The following MTMR12 variants were observed in gnomAD, a reference collection of about 807,000 sequenced individuals.
MTMR12 encodes myotubularin-related protein 12.
A neutral mutation model predicts 96.7 loss-of-function variants in MTMR12; 33 were observed. That is an observed-to-expected ratio of 0.34 (90% CI 0.26 to 0.46). The LOEUF is 0.46. Among genes scored for constraint, MTMR12 ranks in the 20% least tolerant of loss-of-function variants. The probability of loss-of-function intolerance (pLI) is 1.00; values close to 1 mark genes in which losing one functional copy is unlikely to be tolerated. For synonymous variants in MTMR12, 298 were observed against 327.2 expected (o/e 0.91, Z 0.96); for missense variants, 721 against 896.1 (o/e 0.80, Z 2.49).
At position 32,229,286 on chromosome 5, in the gene MTMR12, G is replaced by C. The variant is rs1747895113; in HGVS notation, c.*492C>G. ...AAAAAATGTGATGGTTTAAGTAAAT[G>C]CCACACATCTTAATACCTCTATCTG... On this transcript the variant is annotated 3_prime_UTR_variant, in exon 16 of 16. Transcript: ENST00000382142. 1 of 152,692 alleles carries C rather than the reference G, an allele frequency of 6.5e-6. No individual in the cohort carries two copies. Among genetic ancestry groups the C allele is most frequent in the African/African-American group, 2.4e-5 (1 of 41,458 alleles). 9.5% of individuals were successfully genotyped at this position (152,692 alleles called of 1,614,324 possible).
At chr5:32,282,329 G>C (rs182170634) in intron 1 of MTMR12, among the ~76,000 whole-genome samples, 2,336 of 152,158 alleles carry the variant, frequency 0.015, 30 homozygotes, top group Non-Finnish European at 0.024. Context: ...GCTGAGGCAG[G>C]AGAATGGCGT....
intron 1 of MTMR12, among the ~76,000 whole-genome samples, chr5:32,307,403 G>C (rs1751404256): frequency 6.6e-6 from 1 of 152,100 alleles, no homozygotes; most frequent in African/African-American, 2.4e-5. Context: ...CTGGGCTGGG[G>C]TGGGGGTGCT....
Position 32,233,034 on chromosome 5 carries a change from G to C in MTMR12, c.1674+739C>G. ...CTGGAGACAGAGCTAGGAAATGTCA[G>C]TTAAATAATTCATCAGTTAGGGAAC... On this transcript the variant is annotated intron_variant, in intron 15 of 15. Coordinates refer to ENST00000382142, the MANE Select transcript of MTMR12 (RefSeq NM_001040446.3). The surrounding 1 kb of genome is among the most constrained non-coding windows in gnomAD (Gnocchi z 5.0). The C allele has an allele frequency of 3.1e-6, 3 of 981,272 alleles. No homozygotes were observed. The highest frequency in any genetic ancestry group is 3.6e-6 in the Non-Finnish European group (3 of 826,092). The allele number at this position is 981,272 out of a possible 1,614,324, so 60.8% of individuals were successfully genotyped here.
intron 1 of MTMR12, among the ~76,000 whole-genome samples, chr5:32,302,335 CTTGAT>C (rs1270636039): frequency 6.6e-6 from 1 of 152,168 alleles, no homozygotes; most frequent in Non-Finnish European, 1.5e-5. Flanking sequence ...TATGATTTTA[CTTGAT>C]TTGATTTACT....
chr5:32,308,678 G>A (rs1227020393), intron 1 of MTMR12, among the ~76,000 whole-genome samples: 1 of 151,586 alleles, frequency 6.6e-6, no homozygotes, highest in Non-Finnish European at 1.5e-5. Flanking sequence ...TTGGCTCACT[G>A]CAACCTCTGC....
At chr5:32,292,029 C>G (rs762338860) in intron 1 of MTMR12, among the ~76,000 whole-genome samples, 3 of 152,176 alleles carry the variant, frequency 2.0e-5, no homozygotes, top group Admixed American at 6.5e-5. Flanking sequence ...TGCCTCTGAC[C>G]AAGGCACTCT....
intron 6 of MTMR12, among the ~76,000 whole-genome samples, chr5:32,263,956 A>T (rs540933683): frequency 6.6e-6 from 1 of 152,304 alleles, no homozygotes; most frequent in South Asian, 2.1e-4. Flanking sequence ...GTATCTCAGG[A>T]TCTTCAATGT....
chr5:32,257,805 CA>C lies in MTMR12; in HGVS notation c.714-2038del, dbSNP rs1749200080. On this transcript the variant is annotated intron_variant, in intron 7 of 15. Coordinates refer to ENST00000382142, the MANE Select transcript of MTMR12 (RefSeq NM_001040446.3). The stretch of plus-strand genomic sequence containing the variant: ...AAACAAACAAACAAACAAACAACAA[CA>C]AAAAACTTGGACTGGGCATGGTAGC... Among the ~76,000 whole-genome samples, 3 of 151,636 alleles carry C rather than the reference CA, an allele frequency of 2.0e-5. 1 individual carries two copies. Among genetic ancestry groups the C allele is most frequent in the Admixed American group, 1.3e-4 (2 of 15,218 alleles).
intron 3 of MTMR12, 44 bp from the exon 4 acceptor site, chr5:32,271,949 G>C (rs1749852829): frequency 1.7e-6 from 2 of 1,186,904 alleles, no homozygotes; most frequent in Admixed American, 5.0e-5. Context: ...TCTGCATACT[G>C]TTAGACATTT....
chr5:32,247,581 C>T (rs1748741255), intron 10 of MTMR12: 1 of 276,408 alleles, frequency 3.6e-6, no homozygotes, highest in Non-Finnish European at 5.5e-6. Context: ...CTGTATATTC[C>T]CAATCAGGGG....
chr5:32,264,803 G>T (rs1017493817), intron 6 of MTMR12, among the ~76,000 whole-genome samples: 2 of 152,030 alleles, frequency 1.3e-5, no homozygotes, highest in African/African-American at 4.8e-5. Context: ...CTATAGAATA[G>T]ATAATACAAT....
chr5:32,262,248 T>C (rs1749389652), intron 7 of MTMR12, among the ~76,000 whole-genome samples: 1 of 152,092 alleles, frequency 6.6e-6, no homozygotes, highest in South Asian at 2.1e-4. Context: ...CTAGGTAATA[T>C]ACCCAAGAAA....
At chr5:32,302,070 C>T (rs866159561) in intron 1 of MTMR12, among the ~76,000 whole-genome samples, 1 of 152,180 alleles carries the variant, frequency 6.6e-6, no homozygotes, top group African/African-American at 2.4e-5. Context: ...CTTGCCCCCA[C>T]TTATACATAA....
intron 1 of MTMR12, among the ~76,000 whole-genome samples, chr5:32,280,740 T>G (rs61219219): frequency 0.37 from 56,865 of 152,010 alleles, 10,953 homozygotes; most frequent in East Asian, 0.49. Flanking sequence ...GACTTTGGTC[T>G]TGTCATTTAA....
chr5:32,272,141 A>G (rs1269172175), intron 3 of MTMR12, among the ~76,000 whole-genome samples: 1 of 151,926 alleles, frequency 6.6e-6, no homozygotes, highest in East Asian at 1.9e-4. Context: ...AATACAAAAA[A>G]TTAGCCAGGC....
chr5:32,279,255 C>CA (rs1750188181), intron 1 of MTMR12, among the ~76,000 whole-genome samples: 1 of 151,590 alleles, frequency 6.6e-6, no homozygotes, highest in Non-Finnish European at 1.5e-5. Context: ...AACAAACAAA[C>CA]AAAAAAATTA....
At chr5:32,302,770 C>G (rs1388207178) in intron 1 of MTMR12, among the ~76,000 whole-genome samples, 14 of 150,180 alleles carry the variant, frequency 9.3e-5, no homozygotes, top group Non-Finnish European at 1.6e-4. Context: ...TAAGTCCACA[C>G]AATGAAACTA....
chr5:32,268,324 A>G (rs1749686275), intron 6 of MTMR12, among the ~76,000 whole-genome samples: 1 of 152,074 alleles, frequency 6.6e-6, no homozygotes, highest in Non-Finnish European at 1.5e-5. Context: ...CCTGACCAAC[A>G]TGGAGAAACC....
chr5:32,238,339 G>T (rs574265534), intron 13 of MTMR12, among the ~76,000 whole-genome samples: 1 of 152,012 alleles, frequency 6.6e-6, no homozygotes, highest in Middle Eastern at 3.4e-3. Context: ...CTGGTAACTG[G>T]GACTGTAGTC....
Sources: allele counts gnomAD v4.1 joint callset (sites outside exome capture counted in the v4.1 genomes callset), GRCh38; gene constraint gnomAD v4.1.1; non-coding constraint Gnocchi (gnomAD v3.1); transcripts MANE v1.5; gene names NCBI Gene and HGNC (gene_info 2026-07-23, HGNC 2026-07-21).